SLC12A1: variants seen among roughly 807,000 people sequenced by gnomAD.
SLC12A1 encodes the protein solute carrier family 12 member 1, also known as Na-K-2Cl cotransporter.
SLC12A1 carries 89 observed loss-of-function variants against 130.4 expected under a neutral mutation model. The ratio of observed to expected loss-of-function variants is 0.68; its 90% CI spans 0.58 to 0.81. The LOEUF (loss-of-function observed/expected upper bound fraction) is 0.81. Ranked by LOEUF, SLC12A1 falls within the 40% of genes least tolerant of loss-of-function variation. SLC12A1 has a pLI of 0.00. For missense variants in SLC12A1, 1,310 were observed against 1,336.4 expected, an observed-to-expected ratio of 0.98 and a Z score of 0.31; for synonymous variants, 499 against 460.0, an observed-to-expected ratio of 1.08 and a Z score of -1.09.
In SLC12A1 at chr15:48,291,864, G is replaced by A. The variant is rs1262877414; in HGVS notation, c.2960G>A (p.Ser987Asn). The A allele has an allele frequency of 4.5e-6, 7 of 1,540,828 alleles. No homozygotes were observed. The South Asian group carries it at 8.4e-5, about 18-fold the overall frequency. Residue 987 changes from serine to asparagine, a missense_variant and splice_region_variant, in exon 24 of 27, where the codon AGC becomes AAC. Ser to Asn is a conservative substitution (Grantham distance 46). Coordinates refer to ENST00000380993, the MANE Select transcript of SLC12A1 (RefSeq NM_000338.3). ...ATCAACATTAGGCCAAACAAAGAGAGGTATGAAATATTTAACAAGAGACAT... is the reference window on the plus strand; with the variant it reads ...ATCAACATTAGGCCAAACAAAGAGAAGTATGAAATATTTAACAAGAGACAT... The part of the protein sequence containing the change: ...GDINIRPNKE[S>N]WKVFEEMIEP...
At chr15:48,267,768 C>G in intron 18 of SLC12A1, 67 bp downstream of exon 18, 1 of 1,554,372 alleles carries the variant, frequency 6.4e-7, no homozygotes, top group Non-Finnish European at 8.8e-7. Context: ...TAATAAGGCT[C>G]CCAAAGTGAA....
At chr15:48,271,177 A>G (rs1413440755) in intron 19 of SLC12A1, among the ~76,000 whole-genome samples, 2 of 152,012 alleles carry the variant, frequency 1.3e-5, no homozygotes, top group African/African-American at 2.4e-5. Context: ...GCGCCACTGC[A>G]CTCCAGCCTG....
chr15:48,232,630 A>G (rs1212987420), intron 7 of SLC12A1, 97 bp from the exon 8 acceptor site: 2 of 788,118 alleles, frequency 2.5e-6, no homozygotes, highest in Non-Finnish European at 4.5e-6. Context: ...GAAATATCAG[A>G]TAGAGTCTTT....
Position 48,225,904 on chromosome 15 carries a change from T to C in SLC12A1, c.629-572T>C, listed in dbSNP as rs986513200. The C allele has an allele frequency of 2.6e-5, 26 of 985,430 alleles. No individual in the cohort carries two copies. The South Asian group carries it at 9.9e-4, about 37-fold the overall frequency. 61.0% of individuals were successfully genotyped at this position (985,430 alleles called of 1,614,324 possible). A position where few individuals can be genotyped will look rare whatever the true frequency, so the allele number is the denominator to read the frequency against. The stretch of plus-strand genomic sequence containing the variant: ...CCGTGACAGTGACTGGTATCACTGG[T>C]TTATCCACCTCTGCTATTGCCACAA... On this transcript the variant is annotated intron_variant, in intron 4 of 26. Coordinates refer to ENST00000380993, the MANE Select transcript of SLC12A1 (RefSeq NM_000338.3).
At chr15:48,271,753 T>C (rs1346809889) in intron 19 of SLC12A1, among the ~76,000 whole-genome samples, 5 of 152,180 alleles carry the variant, frequency 3.3e-5, no homozygotes, top group Non-Finnish European at 7.3e-5. Flanking sequence ...TTCAGTAAGT[T>C]AAGGCTAAAC....
chr15:48,231,070 A>G (rs12904216), intron 7 of SLC12A1, among the ~76,000 whole-genome samples: 95,208 of 152,136 alleles, frequency 0.63, 33,991 homozygotes, highest in Non-Finnish European at 0.8. Context: ...GACTGGTGCA[A>G]TTGAAAATAT....
At chr15:48,241,442 G>T (rs944720092) in intron 9 of SLC12A1, 73 bp from the exon 10 acceptor site, 2 of 1,242,718 alleles carry the variant, frequency 1.6e-6, no homozygotes, top group South Asian at 1.2e-5. Flanking sequence ...CTGAAAATAT[G>T]AAAATAACTC....
chr15:48,276,803 C>T (rs1398665953), intron 20 of SLC12A1, among the ~76,000 whole-genome samples: 1 of 151,838 alleles, frequency 6.6e-6, no homozygotes, highest in Admixed American at 6.6e-5. Context: ...GGAAAAAGGC[C>T]CCAAAGAAGA....
At chr15:48,210,404 T>C (rs2041037981) in intron 2 of SLC12A1, among the ~76,000 whole-genome samples, 2 of 152,136 alleles carry the variant, frequency 1.3e-5, no homozygotes, top group Admixed American at 6.5e-5. Flanking sequence ...GAAAATAGAA[T>C]TCTAACTTCA....
chr15:48,259,168 G>T lies in SLC12A1; in HGVS notation c.2043-32G>T, dbSNP rs35286394. The T allele has an allele frequency of 6.0e-3, 8,291 of 1,382,376 alleles. 85 individuals carry two copies. The highest frequency in any genetic ancestry group is 0.031 in the Middle Eastern group (168 of 5,392). 85.6% of individuals were successfully genotyped at this position (1,382,376 alleles called of 1,614,324 possible). A position where few individuals can be genotyped will look rare whatever the true frequency, so the allele number is the denominator to read the frequency against. Reference sequence around the variant, plus strand: ...TCTAAGGTTACAGGCTTCTTGCAGGGGCTCATTTTCACATCTTTTTTTTAC... The same window carrying T: ...TCTAAGGTTACAGGCTTCTTGCAGGTGCTCATTTTCACATCTTTTTTTTAC... On this transcript the variant is annotated intron_variant, in intron 16 of 26. Transcript: ENST00000380993.
At chr15:48,226,611 A>C in intron 5 of SLC12A1, 40 bp downstream of exon 5, 4 of 1,256,156 alleles carry the variant, frequency 3.2e-6, no homozygotes, top group Non-Finnish European at 4.6e-6. Context: ...ATCACTTGCT[A>C]CGGGTAGGCG....
In SLC12A1 at chr15:48,303,714, T is replaced by C. The variant is rs1420511720; in HGVS notation, c.*829T>C. The C allele has an allele frequency of 3.9e-5, 6 of 152,350 alleles. No homozygotes were observed. Among genetic ancestry groups the C allele is most frequent in the South Asian group, 4.1e-4 (2 of 4,834 alleles). The allele number at this position is 152,350 out of a possible 1,614,324, so 9.4% of individuals were successfully genotyped here. A position where few individuals can be genotyped will look rare whatever the true frequency, so the allele number is the denominator to read the frequency against. On this transcript the variant is annotated 3_prime_UTR_variant, in exon 27 of 27. Coordinates refer to ENST00000380993, the MANE Select transcript of SLC12A1 (RefSeq NM_000338.3). ...CTTTGCATATTTTTTTCTAATTAAA[T>C]GGTTAGTACAGATGAAATCTTTATA...
At chr15:48,301,248 A>T in intron 25 of SLC12A1, 67 bp from the exon 26 acceptor site, 3 of 1,075,830 alleles carry the variant, frequency 2.8e-6, no homozygotes, top group Non-Finnish European at 4.2e-6. Flanking sequence ...TTCATGATTT[A>T]AGAAAATAAA....
chr15:48,236,274 GAA>G (rs2041439490), intron 9 of SLC12A1, among the ~76,000 whole-genome samples: 1 of 152,136 alleles, frequency 6.6e-6, no homozygotes, highest in Admixed American at 6.5e-5. Flanking sequence ...TGAAAATACT[GAA>G]CAAATAATTG....
intron 9 of SLC12A1, among the ~76,000 whole-genome samples, chr15:48,240,096 T>TATATATATATCCATATATATATATCC (rs2041497701): frequency 8.0e-6 from 1 of 124,680 alleles, no homozygotes; most frequent in African/African-American, 3.7e-5. Flanking sequence ...TATATCCATA[T>TATATATATATCCATATATATATATCC]ATATATATAT....
At chr15:48,221,435 T>C (rs2041215077) in intron 4 of SLC12A1, 2 of 692,438 alleles carry the variant, frequency 2.9e-6, no homozygotes, top group African/African-American at 1.8e-5. Context: ...AAATGCTGAA[T>C]TGTTGAACTT....
In SLC12A1 at chr15:48,252,509, GAATT is replaced by G. The variant is rs568650537; in HGVS notation, c.1942+745_1942+748del. Among the ~76,000 whole-genome samples the G allele has an allele frequency of 7.9e-5, 12 of 152,184 alleles. No homozygotes were observed. The East Asian group carries it at 1.9e-3, about 24-fold the overall frequency. ...AGGAGTTCACAGAGTCACACTTAAG[GAATT>G]AATTATGATACAATATAGTAACCAC... On this transcript the variant is annotated intron_variant, in intron 15 of 26. Transcript: ENST00000380993.
intron 10 of SLC12A1, among the ~76,000 whole-genome samples, chr15:48,242,125 A>C (rs542289129): frequency 2.0e-5 from 3 of 152,362 alleles, no homozygotes; most frequent in Non-Finnish European, 2.9e-5. Context: ...CTGGCAGTGT[A>C]GGTGGCCAGC....
At chr15:48,218,383 G>A (rs1483744862) in intron 2 of SLC12A1, among the ~76,000 whole-genome samples, 2 of 152,002 alleles carry the variant, frequency 1.3e-5, no homozygotes, top group African/African-American at 4.8e-5. Flanking sequence ...GGAAGGAAAA[G>A]CAAATAAATA....
Sources: gnomAD v4.1 joint callset for allele counts (sites outside exome capture counted in the v4.1 genomes callset) on GRCh38, gnomAD v4.1.1 for gene constraint, MANE v1.5 for transcripts, NCBI Gene and HGNC (gene_info 2026-07-23, HGNC 2026-07-21) for gene names.